The following CBLB variants were observed in gnomAD, a reference collection of about 807,000 sequenced individuals.
CBLB encodes E3 ubiquitin-protein ligase CBL-B.
A neutral mutation model predicts 104.9 loss-of-function variants in CBLB; 31 were observed. The ratio of observed to expected loss-of-function variants is 0.30; its 90% CI spans 0.22 to 0.40. CBLB has a LOEUF of 0.40. Among genes scored for constraint, CBLB ranks in the 10% least tolerant of loss-of-function variants. The probability of loss-of-function intolerance (pLI) is 1.00; values close to 1 mark genes in which losing one functional copy is unlikely to be tolerated. For synonymous variants in CBLB, 440 were observed against 422.6 expected, an observed-to-expected ratio of 1.04 and a Z score of -0.51; for missense variants, 1,062 against 1,214.6, an observed-to-expected ratio of 0.87 and a Z score of 1.87.
chr3:105,740,551 G>T lies in CBLB; in HGVS notation c.926C>A (p.Thr309Asn). Residue 309 changes from threonine to asparagine, a missense_variant, in exon 7 of 19, where the codon ACC becomes AAC. Around this residue, in one of 2 missense-constraint regions of CBLB, gnomAD observed 457 missense variants for 632.0 expected, o/e 0.72. Transcript: ENST00000394030. ...AAATAAGGGCTTGTTATGAGGTATG[G>T]TCTGTAAGATATTCCCATCCCCAGT... is the stretch of plus-strand genomic sequence containing the variant. The part of the protein sequence containing the change: ...YVTGDGNILQ[T>N]IPHNKPLFQA... The T allele has an allele frequency of 6.2e-7, 1 of 1,613,902 alleles. No homozygotes were observed. Among genetic ancestry groups the T allele is most frequent in the Non-Finnish European group, 8.5e-7 (1 of 1,179,850 alleles).
At chr3:105,671,389 A>C (rs2065044667) in intron 17 of CBLB, 6 of 216,144 alleles carry the variant, frequency 2.8e-5, no homozygotes, top group Admixed American at 2.3e-4. Flanking sequence ...CTCATGTTTG[A>C]ATTATACCTC....
chr3:105,865,563 A>T (rs1382295289), intron 2 of CBLB, among the ~76,000 whole-genome samples: 1 of 152,234 alleles, frequency 6.6e-6, no homozygotes, highest in Non-Finnish European at 1.5e-5. Flanking sequence ...ACTATCAAAT[A>T]ACCATCTATT....
chr3:105,780,143 G>A (rs116227663), intron 3 of CBLB, among the ~76,000 whole-genome samples: 61 of 151,046 alleles, frequency 4.0e-4, no homozygotes, highest in Non-Finnish European at 6.9e-4. Context: ...ATGAGACACC[G>A]TGCCCAGCCT....
chr3:105,863,432 A>G (rs1407119306), intron 2 of CBLB, among the ~76,000 whole-genome samples: 1 of 152,236 alleles, frequency 6.6e-6, no homozygotes, highest in Non-Finnish European at 1.5e-5. Flanking sequence ...GTATAATTCA[A>G]ATGAATGATA....
intron 3 of CBLB, among the ~76,000 whole-genome samples, chr3:105,834,864 T>A (rs575139587): frequency 6.6e-6 from 1 of 152,340 alleles, no homozygotes; most frequent in Admixed American, 6.5e-5. Flanking sequence ...CCCTATATTC[T>A]TCAGAAATGC....
chr3:105,817,655 T>C (rs2085257318), intron 3 of CBLB, among the ~76,000 whole-genome samples: 2 of 152,202 alleles, frequency 1.3e-5, no homozygotes, highest in African/African-American at 2.4e-5. Context: ...GAGCAAGTTC[T>C]GAAAACTGTA....
intron 3 of CBLB, among the ~76,000 whole-genome samples, chr3:105,786,063 G>GGC (rs1553794666): frequency 2.2e-5 from 3 of 133,944 alleles, no homozygotes; most frequent in African/African-American, 8.3e-5. Context: ...GAGAGGATCG[G>GGC]GGGGGGGAAA....
chr3:105,682,843 C>T (rs1464485050), intron 14 of CBLB, among the ~76,000 whole-genome samples: 1 of 152,070 alleles, frequency 6.6e-6, no homozygotes, highest in Non-Finnish European at 1.5e-5. Context: ...ACTATGAACA[C>T]AATGGTTAAA....
At chr3:105,756,818 C>T (rs993252933) in intron 4 of CBLB, among the ~76,000 whole-genome samples, 10 of 152,270 alleles carry the variant, frequency 6.6e-5, no homozygotes, top group South Asian at 2.1e-4. Flanking sequence ...TTGTTCCCCC[C>T]AAACCTCATA....
chr3:105,735,721 C>T lies in CBLB; in HGVS notation c.1071+1450G>A, dbSNP rs577712755. Among the ~76,000 whole-genome samples, 242 of 152,160 alleles carry T rather than the reference C, an allele frequency of 1.6e-3. 1 individual carries two copies. Among genetic ancestry groups the T allele is most frequent in the African/African-American group, 5.3e-3 (218 of 41,522 alleles). ...ATCCCAGCACTTTGGGAGGGCGAGG[C>T]GGGTGGATCACCTGAGGTCAGGAGT... On this transcript the variant is annotated intron_variant, in intron 8 of 18. Coordinates refer to ENST00000394030, the MANE Select transcript of CBLB (RefSeq NM_170662.5).
At chr3:105,795,449 T>C (rs1236494176) in intron 3 of CBLB, among the ~76,000 whole-genome samples, 1 of 152,240 alleles carries the variant, frequency 6.6e-6, no homozygotes, top group African/African-American at 2.4e-5. Flanking sequence ...TGACTATAAA[T>C]ATGCATAAAT....
At chr3:105,770,457 C>G (rs2078739185) in intron 4 of CBLB, among the ~76,000 whole-genome samples, 2 of 152,124 alleles carry the variant, frequency 1.3e-5, no homozygotes, top group South Asian at 4.1e-4. Context: ...CAGCATGAAC[C>G]CAGGGAAGCT....
In CBLB at chr3:105,656,589, ATTTTCTCT is replaced by A. The variant is rs2063364461; in HGVS notation, c.*2373_*2380del. 2 of 183,848 alleles carry A rather than the reference ATTTTCTCT, an allele frequency of 1.1e-5. No homozygotes were observed. The highest frequency in any genetic ancestry group is 2.0e-4 in the South Asian group (1 of 5,008). The allele number at this position is 183,848 out of a possible 1,614,324, so 11.4% of individuals were successfully genotyped here. The stretch of plus-strand genomic sequence containing the variant: ...CAGAGATTTTGCTGGAGGCTGGTAA[ATTTTCTCT>A]GCAAAACAGATATCCCCCCACCCCC... On this transcript the variant is annotated 3_prime_UTR_variant, in exon 19 of 19. Transcript: ENST00000394030.
chr3:105,722,918 A>T (rs1451897790), intron 9 of CBLB, among the ~76,000 whole-genome samples: 2 of 152,208 alleles, frequency 1.3e-5, no homozygotes, highest in Non-Finnish European at 2.9e-5. Flanking sequence ...GATGTTGTTA[A>T]GAGTGCCTGT....
chr3:105,709,980 A>C (rs182767248), intron 10 of CBLB, among the ~76,000 whole-genome samples: 2 of 151,942 alleles, frequency 1.3e-5, no homozygotes, highest in Non-Finnish European at 2.9e-5. Context: ...TCCTTGACAA[A>C]TAATTTGAAA....
At chr3:105,736,731 A>C (rs780025765) in intron 8 of CBLB, among the ~76,000 whole-genome samples, 9 of 152,118 alleles carry the variant, frequency 5.9e-5, no homozygotes, top group Non-Finnish European at 1.3e-4. Context: ...ACTCTCAAGA[A>C]AGGTTTTACC....
chr3:105,689,886 A>C (rs2067460912), intron 13 of CBLB, among the ~76,000 whole-genome samples: 2 of 152,134 alleles, frequency 1.3e-5, no homozygotes, highest in African/African-American at 4.8e-5. Flanking sequence ...ATTTAGAAAA[A>C]TTAAGTATAT....
rs751438921 is a variant in CBLB at position 105,685,305 on chromosome 3, T to G, written c.2201+15A>C. ...TATGCAGATGTAAGTGGCAAAAATC[T>G]GCCCATACTCTTACCGAACAGGAGG... On this transcript the variant is annotated intron_variant, in intron 14 of 18. Transcript: ENST00000394030. 21 of 1,611,838 alleles carry G rather than the reference T, an allele frequency of 1.3e-5. No homozygotes were observed. Among genetic ancestry groups the G allele is most frequent in the Non-Finnish European group, 1.7e-5 (20 of 1,178,072 alleles).
intron 2 of CBLB, among the ~76,000 whole-genome samples, chr3:105,854,631 TTTTA>T (rs1209374807): frequency 1.3e-5 from 2 of 151,788 alleles, no homozygotes; most frequent in African/African-American, 4.8e-5. Context: ...GTATATCTTA[TTTTA>T]TTTTATTGTT....
Sources: gnomAD v4.1 joint callset for allele counts (sites outside exome capture counted in the v4.1 genomes callset) on GRCh38, gnomAD v4.1.1 for gene constraint, gnomAD v4.1.1 regional missense constraint, MANE v1.5 for transcripts, NCBI Gene and HGNC (gene_info 2026-07-23, HGNC 2026-07-21) for gene names.